Variants in TRERF1 observed in about 807,000 individuals in gnomAD.
TRERF1 encodes the protein transcriptional regulating factor 1.
A neutral mutation model predicts 122.9 loss-of-function variants in TRERF1; 27 were observed. That is an observed-to-expected ratio of 0.22 (90% CI 0.16 to 0.30). TRERF1 has a LOEUF of 0.30. Among genes scored for constraint, TRERF1 ranks in the 10% least tolerant of loss-of-function variants. The probability of loss-of-function intolerance (pLI) is 1.00; values close to 1 mark genes in which losing one functional copy is unlikely to be tolerated. For synonymous variants in TRERF1, 636 were observed against 641.7 expected (o/e 0.99, Z 0.13); for missense variants, 1,248 against 1,560.3 (o/e 0.80, Z 3.37).
At chr6:42,236,802 G>C (rs570380867) in intron 15 of TRERF1, among the ~76,000 whole-genome samples, 251 of 152,318 alleles carry the variant, frequency 1.6e-3, no homozygotes, top group Middle Eastern at 3.4e-3. Flanking sequence ...GAGGTGAAGA[G>C]GGGTTTCCAG....
In TRERF1 at chr6:42,407,834, C is replaced by A. The variant is rs772857222; in HGVS notation, c.-454+43343G>T. 2.6e-4 allele frequency among the ~76,000 whole-genome samples: 40 copies of A among 151,296 alleles called. No individual in the cohort carries two copies. In the Middle Eastern group the frequency reaches 0.01, roughly 39 times the overall value. On this transcript the variant is annotated intron_variant, in intron 2 of 17. Transcript: ENST00000372922. ...CTGTCCAGATTCTTATGGACGTGTG[C>A]GCACAGATATTTACCAGGTCATCAT...
intron 4 of TRERF1, among the ~76,000 whole-genome samples, chr6:42,294,262 A>G (rs1582870016): frequency 6.7e-6 from 1 of 148,906 alleles, no homozygotes; most frequent in African/African-American, 2.5e-5. Context: ...GCTCACTGCA[A>G]CCTCCGCTTC....
chr6:42,422,386 C>T (rs1338728530), intron 2 of TRERF1, among the ~76,000 whole-genome samples: 2 of 150,550 alleles, frequency 1.3e-5, no homozygotes, highest in African/African-American at 2.5e-5. Flanking sequence ...AGTATGGTGG[C>T]GTATGCCTGT....
chr6:42,337,863 G>T (rs972051571), intron 3 of TRERF1, among the ~76,000 whole-genome samples: 1 of 152,198 alleles, frequency 6.6e-6, no homozygotes, highest in Admixed American at 6.5e-5. Context: ...AACTGATCTA[G>T]GATAAGGTCC....
Position 42,368,391 on chromosome 6 carries a change from G to GC in TRERF1, c.-453-5313dup, listed in dbSNP as rs577357461. Among the ~76,000 whole-genome samples the GC allele has an allele frequency of 5.4e-3, 824 of 151,718 alleles. 2 individuals are homozygous for GC. Among genetic ancestry groups the GC allele is most frequent in the Non-Finnish European group, 7.9e-3 (534 of 67,952 alleles). ...CAGCACCTCCCGCAGTGGTTTCCTC[G>GC]CCCCCCCAAGTTAGGTTCCTTTTTA... On this transcript the variant is annotated intron_variant, in intron 2 of 17. Coordinates refer to ENST00000372922, the Ensembl canonical transcript of TRERF1.
At chr6:42,235,223 T>C (rs145390090) in intron 16 of TRERF1, among the ~76,000 whole-genome samples, 155 of 152,312 alleles carry the variant, frequency 1.0e-3, no homozygotes, top group African/African-American at 3.5e-3. Context: ...AGAACAGCAC[T>C]GTCCTATATC....
intron 2 of TRERF1, among the ~76,000 whole-genome samples, chr6:42,365,630 C>A (rs1772585901): frequency 1.3e-5 from 2 of 152,118 alleles, no homozygotes; most frequent in Admixed American, 1.3e-4. Flanking sequence ...CTATAGATGA[C>A]AAAACAGGTT....
At chr6:42,324,897 C>T (rs1764023748) in intron 3 of TRERF1, among the ~76,000 whole-genome samples, 1 of 152,126 alleles carries the variant, frequency 6.6e-6, no homozygotes, top group South Asian at 2.1e-4. Flanking sequence ...TGAAAATTGA[C>T]AAGTAGGGCC....
chr6:42,400,909 C>A (rs968182500), intron 2 of TRERF1, among the ~76,000 whole-genome samples: 2 of 152,170 alleles, frequency 1.3e-5, no homozygotes, highest in Non-Finnish European at 2.9e-5. Flanking sequence ...AAGGAAGACA[C>A]AAGATTGTCT....
chr6:42,277,870 AGAAGAAGGAAGAAG>A lies in TRERF1; in HGVS notation c.-258-8036_-258-8023del, dbSNP rs1243599739. Among the ~76,000 whole-genome samples the A allele has an allele frequency of 3.2e-4, 42 of 129,816 alleles. 5 individuals are homozygous for A. Among genetic ancestry groups the A allele is most frequent in the African/African-American group, 1.1e-3 (36 of 32,890 alleles). The allele number at this position is 129,816 out of a possible 152,430, so 85.2% of individuals were successfully genotyped here. A position where few individuals can be genotyped will look rare whatever the true frequency, so the allele number is the denominator to read the frequency against. The stretch of plus-strand genomic sequence containing the variant: ...AAGAAGAAGAAAGAAGGAAGAAGGA[AGAAGAAGGAAGAAG>A]GAAGAAGGAAGAAGGAAGAAGGAAG... On this transcript the variant is annotated intron_variant, in intron 4 of 17. Coordinates refer to ENST00000372922, the Ensembl canonical transcript of TRERF1.
intron 2 of TRERF1, among the ~76,000 whole-genome samples, chr6:42,379,959 T>C (rs927656708): frequency 1.4e-4 from 21 of 152,278 alleles, no homozygotes; most frequent in African/African-American, 5.1e-4. Flanking sequence ...CTATATGCCA[T>C]GCCAGACGGT....
intron 2 of TRERF1, among the ~76,000 whole-genome samples, chr6:42,365,689 G>A (rs2150988485): frequency 6.6e-6 from 1 of 152,280 alleles, no homozygotes; most frequent in South Asian, 2.1e-4. Flanking sequence ...GCAAGTGGCA[G>A]AGCTAAGATT....
chr6:42,442,993 G>A (rs1356583812), intron 2 of TRERF1, among the ~76,000 whole-genome samples: 6 of 152,140 alleles, frequency 3.9e-5, no homozygotes, highest in African/African-American at 1.4e-4. Context: ...TCTGGTTGTT[G>A]CAGAACACAA....
In TRERF1 at chr6:42,239,862, G is replaced by GA. The variant is rs1554124749; in HGVS notation, c.2859+3385_2859+3386insT. Among the ~76,000 whole-genome samples, 115 of 148,606 alleles carry GA rather than the reference G, an allele frequency of 7.7e-4. 1 individual carries two copies. The South Asian group carries it at 0.024, about 31-fold the overall frequency. On this transcript the variant is annotated intron_variant, in intron 15 of 17. Coordinates refer to ENST00000372922, the Ensembl canonical transcript of TRERF1. ...ATTGGCCTTTAATCAAGATTTTCTT[G>GA]TTTTTTTTTTGTGGGCCTGAGTCAT... is the stretch of plus-strand genomic sequence containing the variant.
chr6:42,292,472 G>A (rs1028058766), intron 4 of TRERF1, among the ~76,000 whole-genome samples: 12 of 152,178 alleles, frequency 7.9e-5, no homozygotes, highest in Non-Finnish European at 8.8e-5. Context: ...TCAAGGAAAG[G>A]CCATAGTTCG....
intron 4 of TRERF1, among the ~76,000 whole-genome samples, chr6:42,291,924 T>C (rs1784385087): frequency 6.6e-6 from 1 of 152,158 alleles, no homozygotes. Context: ...ATTTTCCTCA[T>C]GGAAACACCA....
chr6:42,328,256 G>A (rs912676549), intron 3 of TRERF1, among the ~76,000 whole-genome samples: 8 of 151,846 alleles, frequency 5.3e-5, no homozygotes, highest in Admixed American at 2.0e-4. Context: ...TGATCTGCCC[G>A]CCTCCGCCTC....
chr6:42,320,309 A>T (rs1260735814), intron 3 of TRERF1, among the ~76,000 whole-genome samples: 1 of 152,198 alleles, frequency 6.6e-6, no homozygotes, highest in Non-Finnish European at 1.5e-5. Context: ...GGGTAAATTT[A>T]GGATTAAAAG....
At chr6:42,313,263 G>C (rs933975865) in intron 3 of TRERF1, among the ~76,000 whole-genome samples, 1 of 152,168 alleles carries the variant, frequency 6.6e-6, no homozygotes, top group Non-Finnish European at 1.5e-5. Flanking sequence ...AAGCAGAGAG[G>C]AGACCTTGTA....
Sources: allele counts gnomAD v4.1 joint callset (sites outside exome capture counted in the v4.1 genomes callset), GRCh38; gene constraint gnomAD v4.1.1; transcripts MANE v1.5; gene names NCBI Gene and HGNC (gene_info 2026-07-23, HGNC 2026-07-21).